The following CBX1 variants were observed in gnomAD, a reference collection of about 807,000 sequenced individuals.
CBX1 encodes chromobox protein homolog 1.
In CBX1, 10 loss-of-function variants were observed where a neutral mutation model predicts 25.1. The ratio of observed to expected loss-of-function variants is 0.40; its 90% CI spans 0.25 to 0.68. The LOEUF is 0.68. CBX1 is among the 30% of genes least tolerant of loss of function. CBX1 has a pLI of 0.40. For synonymous variants in CBX1, 63 were observed against 79.4 expected, an observed-to-expected ratio of 0.79 and a Z score of 1.10; for missense variants, 106 against 218.5, an observed-to-expected ratio of 0.49 and a Z score of 3.25.
chr17:48,073,874 A>G (rs1489099344), intron 4 of CBX1, among the ~76,000 whole-genome samples: 1 of 151,230 alleles, frequency 6.6e-6, no homozygotes, highest in Admixed American at 6.6e-5. Context: ...AAAGGAGTAC[A>G]ATCTTAAGCA....
intron 1 of CBX1, among the ~76,000 whole-genome samples, chr17:48,097,227 C>G (rs1367923285): frequency 7.1e-6 from 1 of 140,012 alleles, no homozygotes; most frequent in Non-Finnish European, 1.6e-5. Flanking sequence ...GCACTCCAGC[C>G]TGGGCAACAA....
intron 1 of CBX1, among the ~76,000 whole-genome samples, chr17:48,094,815 G>C (rs1416106201): frequency 6.6e-6 from 1 of 151,458 alleles, no homozygotes; most frequent in East Asian, 1.9e-4. Context: ...GGGAAGTCGA[G>C]GCGGGTGGAT....
chr17:48,081,158 G>A (rs994351554), intron 1 of CBX1, among the ~76,000 whole-genome samples: 4 of 150,874 alleles, frequency 2.7e-5, no homozygotes, highest in Non-Finnish European at 2.9e-5. Context: ...GGGCTCAAGC[G>A]ATCCACCTGC....
At chr17:48,071,811 G>A (rs1359316852) in intron 4 of CBX1, among the ~76,000 whole-genome samples, 1 of 152,168 alleles carries the variant, frequency 6.6e-6, no homozygotes, top group African/African-American at 2.4e-5. Flanking sequence ...CAAAAGCCAG[G>A]TCAATGGACT....
chr17:48,080,751 T>C (rs1024707332), intron 1 of CBX1, among the ~76,000 whole-genome samples: 1 of 149,864 alleles, frequency 6.7e-6, no homozygotes, highest in Non-Finnish European at 1.5e-5. Context: ...CGAAACCCCA[T>C]CTCTACTAAA....
chr17:48,099,731 T>C (rs2063397312), intron 1 of CBX1, among the ~76,000 whole-genome samples: 1 of 152,208 alleles, frequency 6.6e-6, no homozygotes, highest in Non-Finnish European at 1.5e-5. Flanking sequence ...CTAGGGGTTC[T>C]AGTATATAAC....
At chr17:48,083,500 T>C (rs1410584210) in intron 1 of CBX1, among the ~76,000 whole-genome samples, 1 of 150,624 alleles carries the variant, frequency 6.6e-6, no homozygotes, top group Non-Finnish European at 1.5e-5. Flanking sequence ...TACTTGTCTT[T>C]TTCCTATTTT....
chr17:48,075,180 T>A, intron 3 of CBX1, 80 bp from the exon 4 acceptor site: 1 of 930,422 alleles, frequency 1.1e-6, no homozygotes, highest in Non-Finnish European at 1.7e-6. Flanking sequence ...TGTCTCTGAT[T>A]AATGTAATCA....
At chr17:48,073,105 G>C (rs1366510710) in intron 4 of CBX1, among the ~76,000 whole-genome samples, 1 of 151,086 alleles carries the variant, frequency 6.6e-6, no homozygotes, top group Non-Finnish European at 1.5e-5. Flanking sequence ...CTGGGTGACA[G>C]AGCGAGACTC....
Position 48,089,102 on chromosome 17 carries a change from C to CTT in CBX1, c.-37-12063_-37-12062dup, listed in dbSNP as rs71366828. On this transcript the variant is annotated intron_variant, in intron 1 of 4. Coordinates refer to ENST00000225603, the MANE Select transcript of CBX1 (RefSeq NM_001127228.2). ...CAATTTTAAAAGCTGGCATCTGCAT[C>CTT]TTTTTTTTTTTTTTTTGAGACAGAG... 2.8e-3 allele frequency among the ~76,000 whole-genome samples: 386 copies of CTT among 137,030 alleles called. 4 individuals are homozygous for CTT. Among genetic ancestry groups the CTT allele is most frequent in the East Asian group, 0.011 (49 of 4,576 alleles). 89.9% of individuals were successfully genotyped at this position (137,030 alleles called of 152,430 possible). A position where few individuals can be genotyped will look rare whatever the true frequency, so the allele number is the denominator to read the frequency against.
chr17:48,094,377 T>C (rs2063361153), intron 1 of CBX1, among the ~76,000 whole-genome samples: 1 of 151,458 alleles, frequency 6.6e-6, no homozygotes, highest in Non-Finnish European at 1.5e-5. Flanking sequence ...AAGGCTGCAG[T>C]GAACCAAGAT....
intron 1 of CBX1, among the ~76,000 whole-genome samples, chr17:48,087,357 C>T (rs1293298324): frequency 6.6e-6 from 1 of 151,354 alleles, no homozygotes; most frequent in Non-Finnish European, 1.5e-5. Flanking sequence ...GGGTGGATCA[C>T]GAGGTCAGGA....
At chr17:48,086,800 T>C (rs2063314312) in intron 1 of CBX1, among the ~76,000 whole-genome samples, 1 of 151,972 alleles carries the variant, frequency 6.6e-6, no homozygotes, top group African/African-American at 2.4e-5. Flanking sequence ...AGGCGGAGGC[T>C]GCCTTGAGCC....
Position 48,071,222 on chromosome 17 carries a change from T to G in CBX1, c.*213A>C. 1 of 419,504 alleles carries G rather than the reference T, an allele frequency of 2.4e-6. No individual in the cohort carries two copies. Among genetic ancestry groups the G allele is most frequent in the Non-Finnish European group, 4.2e-6 (1 of 238,284 alleles). 26.0% of individuals were successfully genotyped at this position (419,504 alleles called of 1,614,324 possible). On this transcript the variant is annotated 3_prime_UTR_variant, in exon 5 of 5. Transcript: ENST00000225603. The stretch of plus-strand genomic sequence containing the variant: ...TGCAGAAAAGGTTGCCTTGAAACAC[T>G]TATCCCCTTTCCCCTCCACTGGGAT...
At chr17:48,093,856 A>G (rs1011996685) in intron 1 of CBX1, among the ~76,000 whole-genome samples, 1 of 151,722 alleles carries the variant, frequency 6.6e-6, no homozygotes, top group Non-Finnish European at 1.5e-5. Context: ...ATGGTGACTC[A>G]CGCCTGTAAT....
At chr17:48,075,922 T>C in intron 3 of CBX1, 79 bp downstream of exon 3, 4 of 1,087,192 alleles carry the variant, frequency 3.7e-6, no homozygotes, top group African/African-American at 1.6e-5. Flanking sequence ...GCTGCTAATA[T>C]CAGGGAAGAA....
chr17:48,082,875 T>C (rs1359802965), intron 1 of CBX1, among the ~76,000 whole-genome samples: 1 of 147,946 alleles, frequency 6.8e-6, no homozygotes, highest in Non-Finnish European at 1.5e-5. Flanking sequence ...ATCTTTTTTT[T>C]TTTTTTTTGA....
At chr17:48,077,433 GT>G (rs113914818) in intron 1 of CBX1, among the ~76,000 whole-genome samples, 76,174 of 128,550 alleles carry the variant, frequency 0.59, 22,386 homozygotes, top group East Asian at 0.79. Flanking sequence ...AATTTTTGTT[GT>G]TTTTTTTTTT....
chr17:48,091,680 T>C (rs574548528), intron 1 of CBX1, among the ~76,000 whole-genome samples: 2 of 152,052 alleles, frequency 1.3e-5, no homozygotes, highest in South Asian at 4.2e-4. Flanking sequence ...TAGCTGGAAT[T>C]ACAAGCACGC....
Sources: allele counts gnomAD v4.1 joint callset (sites outside exome capture counted in the v4.1 genomes callset), GRCh38; gene constraint gnomAD v4.1.1; transcripts MANE v1.5; gene names NCBI Gene and HGNC (gene_info 2026-07-23, HGNC 2026-07-21).